SDK2: variants seen among roughly 807,000 people sequenced by gnomAD.
SDK2 encodes sidekick cell adhesion molecule 2, also known as protein sidekick-2.
SDK2 carries 105 observed loss-of-function variants against 253.9 expected under a neutral mutation model. That is an observed-to-expected ratio of 0.41 (90% CI 0.35 to 0.49). The LOEUF (loss-of-function observed/expected upper bound fraction) is 0.49, where lower values mean the gene tolerates loss of function less well. SDK2 is among the 20% of genes least tolerant of loss of function. The probability of loss-of-function intolerance (pLI) is 0.06; values close to 1 mark genes in which losing one functional copy is unlikely to be tolerated. For synonymous variants in SDK2, 1,249 were observed against 1,234.9 expected (o/e 1.01, Z -0.24); for missense variants, 2,608 against 3,003.0 (o/e 0.87, Z 3.07).
chr17:73,468,125 G>A (rs1416812956), intron 3 of SDK2, among the ~76,000 whole-genome samples: 5 of 152,190 alleles, frequency 3.3e-5, no homozygotes, highest in African/African-American at 1.2e-4. Context: ...AGAGGTAGTG[G>A]AGGGGCAGGG....
At chr17:73,449,923 A>G (rs905366880) in intron 4 of SDK2, among the ~76,000 whole-genome samples, 1 of 152,096 alleles carries the variant, frequency 6.6e-6, no homozygotes, top group Non-Finnish European at 1.5e-5. Context: ...ACTCCATCTC[A>G]AAAAAACAAA....
intron 37 of SDK2, 98 bp from the exon 38 acceptor site, chr17:73,365,493 C>A: frequency 3.1e-6 from 4 of 1,303,738 alleles, no homozygotes; most frequent in Non-Finnish European, 4.1e-6. Context: ...TGGGTCTGAG[C>A]CCGGGAGGAA....
In SDK2 at chr17:73,394,369, T is replaced by C. The variant is rs186470701; in HGVS notation, c.3593-45A>G. ...GAGAGAAGGCACTCAGGACCCAACG[T>C]TGACTGTGCAAGGGAAGTGGACCAG... On this transcript the variant is annotated intron_variant, in intron 25 of 44. Transcript: ENST00000392650. 216 of 1,347,680 alleles carry C rather than the reference T, an allele frequency of 1.6e-4. 6 individuals carry two copies. The East Asian group carries it at 4.9e-3, about 31-fold the overall frequency. The allele number at this position is 1,347,680 out of a possible 1,614,324, so 83.5% of individuals were successfully genotyped here.
rs1568377035 is a variant in SDK2, at chr17:73,387,954, T to C, written c.4276A>G (p.Ser1426Gly). The C allele has an allele frequency of 6.3e-7, 1 of 1,575,164 alleles. No homozygotes were observed. Among genetic ancestry groups the C allele is most frequent in the Non-Finnish European group, 8.6e-7 (1 of 1,161,198 alleles). ...TAGCGCACAGGGGAGAGCCCGTCGC[T>C]CCCTGGCTCCCAGGACAGCAGCACG... ...RSVLLSWEPG[S>G]DGLSPVRYYT... Residue 1426 changes from serine (S) to glycine (G), a missense_variant, in exon 30 of 45, where the codon AGC becomes GGC. Around this residue, in one of 2 missense-constraint regions of SDK2, gnomAD observed 1,103 missense variants for 1,143.9 expected, o/e 0.96. Coordinates refer to ENST00000392650, the MANE Select transcript of SDK2 (RefSeq NM_001144952.2).
chr17:73,391,211 A>G (rs2062925550), intron 28 of SDK2, among the ~76,000 whole-genome samples: 1 of 152,196 alleles, frequency 6.6e-6, no homozygotes, highest in Admixed American at 6.5e-5. Flanking sequence ...GGGGACGCAA[A>G]GCCAACCCAT....
At chr17:73,571,747 C>G (rs532391512) in intron 1 of SDK2, among the ~76,000 whole-genome samples, 3 of 152,216 alleles carry the variant, frequency 2.0e-5, no homozygotes, top group Non-Finnish European at 4.4e-5. Context: ...AAGGTGAGCC[C>G]GGCTGGGGCC....
At chr17:73,489,577 C>T (rs981996938) in intron 2 of SDK2, among the ~76,000 whole-genome samples, 1 of 152,116 alleles carries the variant, frequency 6.6e-6, no homozygotes, top group Non-Finnish European at 1.5e-5. Context: ...TTCCTTAGAC[C>T]AGATGTTCCA....
chr17:73,505,050 G>C (rs928502991), intron 2 of SDK2, among the ~76,000 whole-genome samples: 1 of 142,528 alleles, frequency 7.0e-6, no homozygotes, highest in Non-Finnish European at 1.6e-5. Context: ...TCCCAAGTGC[G>C]CGCTCATCTA....
intron 3 of SDK2, among the ~76,000 whole-genome samples, chr17:73,471,357 G>T (rs767703414): frequency 2.0e-5 from 3 of 152,162 alleles, no homozygotes; most frequent in Admixed American, 6.5e-5. Context: ...CAGCACTTTG[G>T]GAGGCTGAGG....
chr17:73,531,986 T>C (rs375129476), intron 1 of SDK2, among the ~76,000 whole-genome samples: 8 of 152,122 alleles, frequency 5.3e-5, no homozygotes, highest in Admixed American at 3.3e-4. Flanking sequence ...CTAATCTCCA[T>C]CGTGGTGCAT....
At chr17:73,344,293 C>T (rs904386) in intron 44 of SDK2, among the ~76,000 whole-genome samples, 117,790 of 152,048 alleles carry the variant, frequency 0.77, 46,104 homozygotes, top group Admixed American at 0.83. Context: ...CCAATGTGTA[C>T]CCCTCCCCCC....
chr17:73,408,591 C>T (rs918408316), intron 18 of SDK2, among the ~76,000 whole-genome samples: 4 of 152,158 alleles, frequency 2.6e-5, no homozygotes, highest in Non-Finnish European at 5.9e-5. Context: ...AGTTACAATT[C>T]ATTGTAACTA....
intron 1 of SDK2, among the ~76,000 whole-genome samples, chr17:73,573,529 AG>A: frequency 6.6e-6 from 1 of 152,250 alleles, no homozygotes; most frequent in South Asian, 2.1e-4. Context: ...GTCGTCATTC[AG>A]TCCATCAGCT....
chr17:73,431,514 G>A lies in SDK2; in HGVS notation c.1468C>T (p.Leu490=). 6.2e-7 allele frequency: 1 copy of A among 1,612,416 alleles called. No individual in the cohort carries two copies. The highest frequency in any genetic ancestry group is 8.5e-7 in the Non-Finnish European group (1 of 1,179,358). Residue 490 remains leucine, a synonymous_variant, in exon 11 of 45, where the codon CTA becomes TTA. Coordinates refer to ENST00000392650, the MANE Select transcript of SDK2 (RefSeq NM_001144952.2). The surrounding 1 kb of genome is among the most constrained non-coding windows in gnomAD (Gnocchi z 5.6). ...TCTGCACACTCACCCCAAACGACTA[G>A]GTCTGCTGAGGCCTCATCGACCCCC... ...SRGVDEASAD[L]VVWARTRITK... is the part of the protein sequence containing the mutation.
rs1282199519 is a variant in SDK2 at position 73,435,577 on chromosome 17, G to T, written c.1068C>A (p.Arg356=). 2 of 1,583,180 alleles carry T rather than the reference G, an allele frequency of 1.3e-6. No individual in the cohort carries two copies. Among genetic ancestry groups the T allele is most frequent in the Admixed American group, 1.8e-5 (1 of 56,222 alleles). Residue 356 remains arginine (R), a synonymous_variant, in exon 9 of 45, where the codon CGC becomes CGA. Coordinates refer to ENST00000392650, the MANE Select transcript of SDK2 (RefSeq NM_001144952.2). The surrounding 1 kb of genome is among the most constrained non-coding windows in gnomAD (Gnocchi z 5.7). The part of the protein sequence containing the change: ...AAVVEVEKLT[R]FRQRNDGGLQ... ...GGCCCCCGTCGTTGCGCTGCCGGAA[G>T]CGGGTCAACTTCTCCACCTCCACCA...
intron 1 of SDK2, among the ~76,000 whole-genome samples, chr17:73,615,483 T>A (rs1191920851): frequency 6.6e-6 from 1 of 152,144 alleles, no homozygotes; most frequent in Non-Finnish European, 1.5e-5. Context: ...GCATAACACT[T>A]AGAGAACATC....
Position 73,467,737 on chromosome 17 carries a change from A to G in SDK2, c.331+4375T>C, listed in dbSNP as rs551202494. Among the ~76,000 whole-genome samples the G allele has an allele frequency of 5.9e-5, 9 of 152,236 alleles. No individual in the cohort carries two copies. The highest frequency in any genetic ancestry group is 3.3e-4 in the Admixed American group (5 of 15,304). On this transcript the variant is annotated intron_variant, in intron 3 of 44. Transcript: ENST00000392650. The surrounding 1 kb of genome is among the most constrained non-coding windows in gnomAD (Gnocchi z 4.1). ...TTCTCAAGGGTCGGAAGGACTTCCT[A>G]GGGCTTTTCTAACTTCCTGGCTTTA... is the stretch of plus-strand genomic sequence containing the variant.
chr17:73,546,109 G>C (rs764147931), intron 1 of SDK2, among the ~76,000 whole-genome samples: 11 of 152,040 alleles, frequency 7.2e-5, no homozygotes, highest in Admixed American at 5.2e-4. Context: ...TGTCGGGGGC[G>C]GGGGGTGAGG....
chr17:73,435,628 G>A lies in SDK2; in HGVS notation c.1017C>T (p.Ser339=). ...PCQAKGVPPP[S]ITWYKDAAVV... is the part of the protein sequence containing the mutation. ...CGGCTGCGTCCTTGTACCAGGTGAT[G>A]GAGGGCGGCGGCACACCTGTGGGCA... The change falls in exon 9 of 45, where the codon TCC becomes TCT. Residue 339 remains serine (S), a synonymous_variant. Transcript: ENST00000392650. The surrounding 1 kb of genome is among the most constrained non-coding windows in gnomAD (Gnocchi z 5.7). 1 of 1,565,696 alleles carries A rather than the reference G, an allele frequency of 6.4e-7. No individual in the cohort carries two copies. Among genetic ancestry groups the A allele is most frequent in the Non-Finnish European group, 8.7e-7 (1 of 1,154,902 alleles).
Sources: gnomAD v4.1 joint callset for allele counts (sites outside exome capture counted in the v4.1 genomes callset) on GRCh38, gnomAD v4.1.1 for gene constraint, gnomAD v4.1.1 regional missense constraint, Gnocchi (gnomAD v3.1) non-coding constraint, MANE v1.5 for transcripts, NCBI Gene and HGNC (gene_info 2026-07-23, HGNC 2026-07-21) for gene names.